Variants in MAMLD1 observed in about 807,000 individuals in gnomAD.
The protein encoded by MAMLD1 is mastermind-like domain-containing protein 1.
A neutral mutation model predicts 45.0 loss-of-function variants in MAMLD1; 14 were observed. The ratio of observed to expected loss-of-function variants is 0.31; its 90% CI spans 0.21 to 0.49. MAMLD1 has a LOEUF of 0.49. MAMLD1 is among the 20% of genes least tolerant of loss of function. The pLI, the probability that MAMLD1 is intolerant of heterozygous loss-of-function variation, is 0.99. For synonymous variants in MAMLD1, 254 were observed against 247.8 expected, an observed-to-expected ratio of 1.02 and a Z score of -0.24; for missense variants, 543 against 603.6, an observed-to-expected ratio of 0.90 and a Z score of 1.05.
rs1557402576 is a variant in MAMLD1 at position 150,403,964 on chromosome X, G to GAAAGAA, written c.-64+40436_-64+40441dup. Among the ~76,000 whole-genome samples, 314 of 83,729 alleles carry GAAAGAA rather than the reference G, an allele frequency of 3.8e-3. 4 individuals carry two copies. The highest frequency in any genetic ancestry group is 0.015 in the African/African-American group (299 of 19,879). 72.7% of individuals were successfully genotyped at this position (83,729 alleles called of 115,157 possible). On this transcript the variant is annotated intron_variant, in intron 1 of 7. Coordinates refer to ENST00000370401, the MANE Select transcript of MAMLD1 (RefSeq NM_005491.5). ...GAAAAGAAAGAAAGAAAGAAAGAAA[G>GAAAGAA]AAAGAAAGAAAGAAAGAAAGAAAGA...
chrX:150,507,864 C>T (rs1224402616), intron 6 of MAMLD1, among the ~76,000 whole-genome samples: 2 of 112,243 alleles, frequency 1.8e-5, no homozygotes, highest in Non-Finnish European at 3.8e-5. Flanking sequence ...CACTCTCCAG[C>T]CTCCATCTGC....
intron 3 of MAMLD1, among the ~76,000 whole-genome samples, chrX:150,468,219 G>A (rs1252751376): frequency 1.8e-5 from 2 of 112,059 alleles, no homozygotes; most frequent in Non-Finnish European, 3.8e-5. Flanking sequence ...ACCAAGGCCT[G>A]AGACATACAG....
chrX:150,418,078 T>C (rs2034328958), intron 1 of MAMLD1, among the ~76,000 whole-genome samples: 1 of 111,357 alleles, frequency 9.0e-6, no homozygotes, highest in African/African-American at 3.3e-5. Flanking sequence ...TGGACTCTTT[T>C]TGGTTGGTAG....
At chrX:150,454,454 T>G (rs2035774968) in intron 2 of MAMLD1, among the ~76,000 whole-genome samples, 1 of 112,066 alleles carries the variant, frequency 8.9e-6, no homozygotes, top group Non-Finnish European at 1.9e-5. Context: ...GTAGTTAAAT[T>G]TGACATAAAA....
chrX:150,484,957 C>A (rs1333512305), intron 5 of MAMLD1, among the ~76,000 whole-genome samples: 1 of 111,761 alleles, frequency 8.9e-6, no homozygotes, highest in Non-Finnish European at 1.9e-5. Flanking sequence ...CTCCTTCCCC[C>A]AGTTCTTTGC....
At chrX:150,406,158 G>A (rs2033990144) in intron 1 of MAMLD1, among the ~76,000 whole-genome samples, 4 of 111,308 alleles carry the variant, frequency 3.6e-5, no homozygotes, top group Non-Finnish European at 7.5e-5. Context: ...GATTGAACAT[G>A]GTGCTTAGGA....
At chrX:150,511,695 C>T (rs1350436408) in intron 7 of MAMLD1, among the ~76,000 whole-genome samples, 1 of 112,361 alleles carries the variant, frequency 8.9e-6, no homozygotes, top group African/African-American at 3.2e-5. Context: ...CAGACATGGA[C>T]CCTGACCTCC....
intron 5 of MAMLD1, among the ~76,000 whole-genome samples, chrX:150,502,457 G>T (rs1175628048): frequency 8.9e-6 from 1 of 112,439 alleles, no homozygotes; most frequent in Admixed American, 9.4e-5. Flanking sequence ...GGGTACCAGG[G>T]CTCTTAGCAG....
chrX:150,426,814 A>C (rs2034721784), intron 1 of MAMLD1, among the ~76,000 whole-genome samples: 1 of 112,006 alleles, frequency 8.9e-6, no homozygotes, highest in South Asian at 3.7e-4. Flanking sequence ...TCTGCTGTGG[A>C]AATGGGCCAG....
At chrX:150,483,849 C>T (rs1296004040) in intron 5 of MAMLD1, among the ~76,000 whole-genome samples, 1 of 112,660 alleles carries the variant, frequency 8.9e-6, no homozygotes, top group Non-Finnish European at 1.9e-5. Context: ...ACCACAGTGA[C>T]AGCTTCACAT....
In MAMLD1 at chrX:150,394,129, C is replaced by CTTTTTTTTTTTTT. The variant is rs781904160; in HGVS notation, c.-64+30612_-64+30624dup. Among the ~76,000 whole-genome samples the CTTTTTTTTTTTTT allele has an allele frequency of 6.5e-3, 80 of 12,265 alleles. 13 individuals carry two copies. Among genetic ancestry groups the CTTTTTTTTTTTTT allele is most frequent in the East Asian group, 7.1e-3 (2 of 280 alleles). 10.7% of individuals were successfully genotyped at this position (12,265 alleles called of 115,157 possible). On this transcript the variant is annotated intron_variant, in intron 1 of 7. Transcript: ENST00000370401. Reference sequence around the variant, plus strand: ...GGGGTGTAAGGTCTATATCTACATCCTTTTTTTTTTTTTTTTTTTTTTTTT... The same window carrying CTTTTTTTTTTTTT: ...GGGGTGTAAGGTCTATATCTACATCCTTTTTTTTTTTTTTTTTTTTTTTTTTTTTTTTTTTTTT...
At chrX:150,505,095 G>A in intron 6 of MAMLD1, 4 of 752,618 alleles carry the variant, frequency 5.3e-6, no homozygotes, top group African/African-American at 2.3e-5. Flanking sequence ...AGAAAACAAA[G>A]GGTAAAAAGA....
chrX:150,425,945 A>G (rs1224193462), intron 1 of MAMLD1, among the ~76,000 whole-genome samples: 1 of 111,793 alleles, frequency 8.9e-6, no homozygotes, highest in Non-Finnish European at 1.9e-5. Context: ...CCTGTATAGA[A>G]CTTTGCATTT....
At chrX:150,451,006 A>G (rs2035646320) in intron 2 of MAMLD1, among the ~76,000 whole-genome samples, 1 of 112,824 alleles carries the variant, frequency 8.9e-6, no homozygotes. Flanking sequence ...CCTTGCCTTC[A>G]CACAGACCTT....
chrX:150,442,049 AT>A (rs781870032), intron 1 of MAMLD1, among the ~76,000 whole-genome samples: 1,556 of 95,333 alleles, frequency 0.016, 21 homozygotes, highest in African/African-American at 0.043. Context: ...TGTCGCTGGT[AT>A]TTTTTTTTTT....
At chrX:150,479,798 A>G (rs990350724) in intron 5 of MAMLD1, among the ~76,000 whole-genome samples, 2 of 112,103 alleles carry the variant, frequency 1.8e-5, no homozygotes, top group Admixed American at 9.4e-5. Context: ...CTGTCGCTCT[A>G]CTACTACTAT....
intron 1 of MAMLD1, among the ~76,000 whole-genome samples, chrX:150,412,966 T>C (rs890488538): frequency 9.0e-6 from 1 of 111,374 alleles, no homozygotes; most frequent in East Asian, 2.8e-4. Context: ...GCTCAAGTGA[T>C]CTGCCTGCCT....
At chrX:150,434,061 T>G (rs1426714958) in intron 1 of MAMLD1, among the ~76,000 whole-genome samples, 2 of 111,665 alleles carry the variant, frequency 1.8e-5, no homozygotes, top group Non-Finnish European at 3.8e-5. Flanking sequence ...GTAGGATTTT[T>G]ATTACTGATT....
intron 1 of MAMLD1, among the ~76,000 whole-genome samples, chrX:150,402,877 A>T (rs811873): frequency 3.6e-5 from 4 of 110,259 alleles, no homozygotes; most frequent in African/African-American, 6.6e-5. Context: ...AACAATGAGA[A>T]CACATGGACA....
Sources: gnomAD v4.1 joint callset for allele counts (sites outside exome capture counted in the v4.1 genomes callset) on GRCh38, gnomAD v4.1.1 for gene constraint, MANE v1.5 for transcripts, NCBI Gene and HGNC (gene_info 2026-07-23, HGNC 2026-07-21) for gene names.